Variants in SEZ6L observed in about 807,000 individuals in gnomAD.
SEZ6L encodes seizure 6-like protein.
Under a neutral mutation model 106.2 loss-of-function variants are expected in SEZ6L, and 37 were observed. The observed-to-expected ratio is 0.35, with a 90% CI of 0.27 to 0.46. The LOEUF is 0.46. Among genes scored for constraint, SEZ6L ranks in the 20% least tolerant of loss-of-function variants. The pLI is 1.00. For synonymous variants in SEZ6L, 541 were observed against 570.4 expected, an observed-to-expected ratio of 0.95 and a Z score of 0.73; for missense variants, 1,172 against 1,332.8, an observed-to-expected ratio of 0.88 and a Z score of 1.88.
At chr22:26,272,809 GC>G (rs2080411444) in intron 1 of SEZ6L, among the ~76,000 whole-genome samples, 1 of 152,176 alleles carries the variant, frequency 6.6e-6, no homozygotes, top group Non-Finnish European at 1.5e-5. Flanking sequence ...ATAAAATAGA[GC>G]TAGTAGTTAA....
At chr22:26,365,607 G>A in intron 13 of SEZ6L, 41 bp downstream of exon 13, 1 of 1,545,154 alleles carries the variant, frequency 6.5e-7, no homozygotes. Flanking sequence ...ACGGGGCCTG[G>A]AGATGTCAGG....
At chr22:26,336,907 A>T (rs994744911) in intron 9 of SEZ6L, among the ~76,000 whole-genome samples, 6 of 152,200 alleles carry the variant, frequency 3.9e-5, no homozygotes, top group Non-Finnish European at 8.8e-5. Flanking sequence ...ATAAACAGAA[A>T]TCCAAAGAAG....
At chr22:26,174,418 C>A (rs956344496) in intron 1 of SEZ6L, among the ~76,000 whole-genome samples, 1 of 151,736 alleles carries the variant, frequency 6.6e-6, no homozygotes, top group African/African-American at 2.4e-5. Context: ...TGCTCACGCT[C>A]AAAAAAAAGA....
At chr22:26,278,816 GGAGAGAAAGAA>G (rs2080644706) in intron 1 of SEZ6L, among the ~76,000 whole-genome samples, 14 of 142,162 alleles carry the variant, frequency 9.8e-5, no homozygotes, top group Non-Finnish European at 1.5e-4. Flanking sequence ...AAGGAATGAA[GGAGAGAAAGAA>G]ACAGAAAAAG....
intron 1 of SEZ6L, among the ~76,000 whole-genome samples, chr22:26,196,805 T>C (rs1940610389): frequency 6.6e-6 from 1 of 152,158 alleles, no homozygotes. Context: ...GACTTGCTGA[T>C]AGATAAAATG....
chr22:26,230,653 A>C (rs930443945), intron 1 of SEZ6L, among the ~76,000 whole-genome samples: 6 of 152,212 alleles, frequency 3.9e-5, no homozygotes, highest in Admixed American at 6.5e-5. Context: ...TGCAGTCACC[A>C]CTGGCCAGAG....
intron 1 of SEZ6L, among the ~76,000 whole-genome samples, chr22:26,221,738 G>A (rs1320911789): frequency 6.9e-5 from 8 of 116,730 alleles, no homozygotes; most frequent in African/African-American, 2.3e-4. Flanking sequence ...GTGCACACGC[G>A]TGCACACACA....
intron 1 of SEZ6L, among the ~76,000 whole-genome samples, chr22:26,171,582 G>A (rs1312602196): frequency 1.3e-5 from 2 of 152,100 alleles, no homozygotes; most frequent in Admixed American, 6.5e-5. Context: ...TTTCCTTCAC[G>A]GGCTGCAAAC....
At chr22:26,197,806 G>A (rs757699843) in intron 1 of SEZ6L, among the ~76,000 whole-genome samples, 6 of 152,182 alleles carry the variant, frequency 3.9e-5, no homozygotes, top group Admixed American at 2.6e-4. Flanking sequence ...GGGTGACTTA[G>A]ACATGCGAGT....
At chr22:26,334,507 G>A (rs976688493) in intron 9 of SEZ6L, among the ~76,000 whole-genome samples, 2 of 152,156 alleles carry the variant, frequency 1.3e-5, no homozygotes, top group South Asian at 2.1e-4. Context: ...CAAATAGACC[G>A]TATTTTGCTT....
chr22:26,234,573 C>A (rs774400962), intron 1 of SEZ6L, among the ~76,000 whole-genome samples: 2 of 152,248 alleles, frequency 1.3e-5, no homozygotes, highest in East Asian at 3.8e-4. Flanking sequence ...GAACAGCATT[C>A]TTCCTCTGTA....
intron 9 of SEZ6L, among the ~76,000 whole-genome samples, chr22:26,329,067 G>C (rs1388648666): frequency 6.6e-6 from 1 of 152,220 alleles, no homozygotes; most frequent in Non-Finnish European, 1.5e-5. Flanking sequence ...CCACGGGGCA[G>C]TGGGTTCACA....
intron 9 of SEZ6L, among the ~76,000 whole-genome samples, chr22:26,324,861 A>G (rs1280888162): frequency 6.6e-6 from 1 of 152,128 alleles, no homozygotes; most frequent in Non-Finnish European, 1.5e-5. Context: ...TGTATAACAA[A>G]CCACCCCAAA....
At chr22:26,178,065 G>A (rs781403663) in intron 1 of SEZ6L, among the ~76,000 whole-genome samples, 3 of 152,204 alleles carry the variant, frequency 2.0e-5, no homozygotes, top group Non-Finnish European at 4.4e-5. Context: ...GACCCAAGGA[G>A]TGTGGCAATG....
rs1277503545 is a variant in SEZ6L at position 26,383,358 on chromosome 22, AGTGAATCCGAAGGG to A, written c.*3064_*3077del. ...GGGCCTCAGGCAAAAATGCCCTTCG[AGTGAATCCGAAGGG>A]CATGATCTTCCTATGTCCTTGACTA... On this transcript the variant is annotated 3_prime_UTR_variant, in exon 17 of 17. Coordinates refer to ENST00000248933, the MANE Select transcript of SEZ6L (RefSeq NM_021115.5). The A allele has an allele frequency of 6.6e-6, 1 of 152,112 alleles. No individual in the cohort carries two copies. Among genetic ancestry groups the A allele is most frequent in the East Asian group, 1.9e-4 (1 of 5,142 alleles). The allele number at this position is 152,112 out of a possible 1,614,324, so 9.4% of individuals were successfully genotyped here.
chr22:26,201,382 C>CAAAAAAAAAAAAAAAAAAA (rs71192905), intron 1 of SEZ6L, among the ~76,000 whole-genome samples: 12 of 75,302 alleles, frequency 1.6e-4, no homozygotes, highest in African/African-American at 3.4e-4. Flanking sequence ...TACAAAAATA[C>CAAAAAAAAAAAAAAAAAAA]AAAAAAAAAA....
chr22:26,191,693 T>C (rs1458182331), intron 1 of SEZ6L, among the ~76,000 whole-genome samples: 1 of 152,202 alleles, frequency 6.6e-6, no homozygotes, highest in African/African-American at 2.4e-5. Flanking sequence ...CCATGGCACA[T>C]GTTTACCTAT....
At position 26,269,922 on chromosome 22, in the gene SEZ6L, A is replaced by G. The variant is rs375453405; in HGVS notation, c.95-22484A>G. Reference sequence around the variant, plus strand: ...CAAGTGCACAAAGGAAAAGGACCAGAAAAAAGAGGGAAGAGAAGCCAGCCC... The same window carrying G: ...CAAGTGCACAAAGGAAAAGGACCAGGAAAAAGAGGGAAGAGAAGCCAGCCC... On this transcript the variant is annotated intron_variant, in intron 1 of 16. Transcript: ENST00000248933. Among the ~76,000 whole-genome samples the G allele has an allele frequency of 1.2e-4, 19 of 152,222 alleles. 1 individual carries two copies. The highest frequency in any genetic ancestry group is 8.5e-4 in the Admixed American group (13 of 15,288).
At chr22:26,274,690 G>A (rs117186413) in intron 1 of SEZ6L, among the ~76,000 whole-genome samples, 2 of 152,308 alleles carry the variant, frequency 1.3e-5, no homozygotes, top group Non-Finnish European at 2.9e-5. Flanking sequence ...AAAGGGAAGA[G>A]GTACATGAGG....
Sources: gnomAD v4.1 joint callset for allele counts (sites outside exome capture counted in the v4.1 genomes callset) on GRCh38, gnomAD v4.1.1 for gene constraint, MANE v1.5 for transcripts, NCBI Gene and HGNC (gene_info 2026-07-23, HGNC 2026-07-21) for gene names.